The following CAPG variants were observed in gnomAD, a reference collection of about 807,000 sequenced individuals.
The protein encoded by CAPG is capping actin protein, gelsolin like.
CAPG carries 32 observed loss-of-function variants against 44.6 expected under a neutral mutation model. The observed-to-expected ratio is 0.72, with a 90% CI of 0.54 to 0.96. The LOEUF (loss-of-function observed/expected upper bound fraction) is 0.96, where lower values mean the gene tolerates loss of function less well. CAPG is among the 50% of genes least tolerant of loss of function. The pLI, the probability that CAPG is intolerant of heterozygous loss-of-function variation, is 0.00. For missense variants in CAPG, 412 were observed against 438.3 expected, an observed-to-expected ratio of 0.94 and a Z score of 0.54; for synonymous variants, 175 against 179.6, an observed-to-expected ratio of 0.97 and a Z score of 0.20.
At chr2:85,399,775 CTT>C (rs1430072009) in intron 5 of CAPG, among the ~76,000 whole-genome samples, 1 of 136,594 alleles carries the variant, frequency 7.3e-6, no homozygotes, top group East Asian at 2.1e-4. Flanking sequence ...GAGTTTCGCT[CTT>C]GTTGCCCAGG....
At chr2:85,406,131 G>A (rs530283837) in intron 1 of CAPG, among the ~76,000 whole-genome samples, 97 of 151,144 alleles carry the variant, frequency 6.4e-4, no homozygotes, top group African/African-American at 2.3e-3. Context: ...GTGAAACCCC[G>A]TCTCTACTAA....
chr2:85,398,580 G>A (rs1312725669), intron 7 of CAPG, 110 bp downstream of exon 7: 1 of 905,106 alleles, frequency 1.1e-6, no homozygotes. Context: ...CTCGGTTCCA[G>A]CCCCACCTTC....
rs751256464 is a variant in CAPG, at chr2:85,398,060, C to A, written c.852G>T (p.Val284=). 3.7e-6 allele frequency: 6 copies of A among 1,613,996 alleles called. No individual in the cohort carries two copies. The South Asian group carries it at 6.6e-5, about 18-fold the overall frequency. The part of the protein sequence containing the change: ...LELLISDDCF[V]LDNGLCGKIY... ...TCTTGCCACAGAGCCCGTTGTCCAG[C>A]ACAAAGCAGTCATCAGATATCAGCA... The change falls in exon 8 of 10, where the codon GTG becomes GTT. Residue 284 remains valine (V), a synonymous_variant. Transcript: ENST00000263867.
chr2:85,415,282 C>T (rs1687529091), upstream of CAPG, among the ~76,000 whole-genome samples: 1 of 152,224 alleles, frequency 6.6e-6, no homozygotes, highest in South Asian at 2.1e-4. Context: ...GAACACTTCT[C>T]AGGCACACCC....
chr2:85,399,537 C>G (rs35473582), intron 5 of CAPG, among the ~76,000 whole-genome samples: 10 of 152,208 alleles, frequency 6.6e-5, no homozygotes, highest in African/African-American at 2.4e-4. Flanking sequence ...GTCATCCAGG[C>G]TGGAGTGCAA....
intron 1 of CAPG, among the ~76,000 whole-genome samples, chr2:85,417,279 C>T (rs919251913): frequency 6.6e-6 from 1 of 152,182 alleles, no homozygotes; most frequent in Non-Finnish European, 1.5e-5. Context: ...CATGGATCCT[C>T]TTATTATCCT....
chr2:85,399,053 A>C, intron 6 of CAPG, 83 bp downstream of exon 6: 33 of 1,417,332 alleles, frequency 2.3e-5, no homozygotes, highest in Non-Finnish European at 2.9e-5. Context: ...TCCACCGGCC[A>C]CTCTCAGCCC....
chr2:85,412,572 G>T (rs1397676155), upstream of CAPG, among the ~76,000 whole-genome samples: 1 of 152,088 alleles, frequency 6.6e-6, no homozygotes, highest in Admixed American at 6.6e-5. Flanking sequence ...GGAGGAGGGA[G>T]AGATTCAGGA....
intron 1 of CAPG, among the ~76,000 whole-genome samples, chr2:85,417,703 T>C (rs1011211871): frequency 6.6e-6 from 1 of 151,910 alleles, no homozygotes; most frequent in African/African-American, 2.4e-5. Context: ...AGGCTGGTCT[T>C]GAACCCCTGA....
intron 1 of CAPG, among the ~76,000 whole-genome samples, chr2:85,406,465 T>C (rs1687159703): frequency 6.6e-6 from 1 of 152,092 alleles, no homozygotes; most frequent in Non-Finnish European, 1.5e-5. Flanking sequence ...ACCCTTGATA[T>C]CTGGTCGATC....
At chr2:85,404,712 C>T (rs1463529133) in intron 1 of CAPG, among the ~76,000 whole-genome samples, 3 of 151,910 alleles carry the variant, frequency 2.0e-5, no homozygotes, top group Admixed American at 6.6e-5. Context: ...TGTGCCACTG[C>T]ACTCCAGCCT....
intron 5 of CAPG, among the ~76,000 whole-genome samples, chr2:85,400,927 C>CA (rs1039508863): frequency 3.3e-5 from 5 of 152,214 alleles, no homozygotes; most frequent in African/African-American, 4.8e-5. Flanking sequence ...GCAGTGAACT[C>CA]AGAGGCTTCC....
chr2:85,399,065 C>G, intron 6 of CAPG, 71 bp downstream of exon 6: 2 of 1,546,166 alleles, frequency 1.3e-6, no homozygotes, highest in Admixed American at 1.7e-5. Flanking sequence ...TCTCAGCCCT[C>G]AGCTCATCAC....
chr2:85,396,015 A>G (rs769550298), intron 8 of CAPG: 1 of 197,874 alleles, frequency 5.1e-6, no homozygotes. Flanking sequence ...GAAAAACTAA[A>G]TAAGACAAAG....
chr2:85,418,119 T>G (rs1687608646), intron 1 of CAPG: 1 of 152,026 alleles, frequency 6.6e-6, no homozygotes, highest in Non-Finnish European at 1.5e-5. Context: ...TGTTCATTAT[T>G]TTGCACACTC....
At chr2:85,414,586 C>T (rs1483438120), upstream of CAPG, among the ~76,000 whole-genome samples, 5 of 140,734 alleles carry the variant, frequency 3.6e-5, no homozygotes, top group African/African-American at 1.4e-4. Flanking sequence ...TATGCCACCA[C>T]GCCCAGCTAA....
intron 8 of CAPG, among the ~76,000 whole-genome samples, chr2:85,397,566 G>A (rs1686657103): frequency 6.6e-6 from 1 of 151,970 alleles, no homozygotes; most frequent in African/African-American, 2.4e-5. Flanking sequence ...AGCCAGGTGT[G>A]GTGGCACGCA....
chr2:85,410,821 G>A (rs1375942237), upstream of CAPG, among the ~76,000 whole-genome samples: 1 of 151,904 alleles, frequency 6.6e-6, no homozygotes, highest in Admixed American at 6.6e-5. Context: ...TGCCCTGAAT[G>A]CAAGTATTTG....
chr2:85,416,941 G>A (rs546939368), intron 1 of CAPG, among the ~76,000 whole-genome samples: 92 of 152,294 alleles, frequency 6.0e-4, no homozygotes, highest in Middle Eastern at 3.4e-3. Flanking sequence ...CATATTTTCC[G>A]AATAAAGCTC....
Sources: gnomAD v4.1 joint callset for allele counts (sites outside exome capture counted in the v4.1 genomes callset) on GRCh38, gnomAD v4.1.1 for gene constraint, MANE v1.5 for transcripts, NCBI Gene and HGNC (gene_info 2026-07-23, HGNC 2026-07-21) for gene names.